The following EGFR variants were observed in gnomAD, a reference collection of about 807,000 sequenced individuals.
EGFR encodes the protein epidermal growth factor receptor.
EGFR carries 58 observed loss-of-function variants against 143.0 expected under a neutral mutation model. The ratio of observed to expected loss-of-function variants is 0.41; its 90% CI spans 0.33 to 0.50. The LOEUF (loss-of-function observed/expected upper bound fraction) is 0.50. Among genes scored for constraint, EGFR ranks in the 20% least tolerant of loss-of-function variants. EGFR has a pLI of 0.39. For missense variants in EGFR, 1,307 were observed against 1,579.0 expected (o/e 0.83, Z 2.92); for synonymous variants, 613 against 594.4 (o/e 1.03, Z -0.45).
At chr7:55,070,704 G>A (rs1789771542) in intron 1 of EGFR, among the ~76,000 whole-genome samples, 1 of 152,146 alleles carries the variant, frequency 6.6e-6, no homozygotes, top group Non-Finnish European at 1.5e-5. Flanking sequence ...TCGCAGCCAG[G>A]GCTGATTGTA....
At position 55,205,646 on chromosome 7, in the gene EGFR, T is replaced by C. The variant is rs1583665941; in HGVS notation, c.*29T>C. 6.2e-7 allele frequency: 1 copy of C among 1,614,020 alleles called. No individual in the cohort carries two copies. The highest frequency in any genetic ancestry group is 8.5e-7 in the Non-Finnish European group (1 of 1,179,954). On this transcript the variant is annotated 3_prime_UTR_variant, in exon 28 of 28. Transcript: ENST00000275493. ...CGGAGGATAGTATGAGCCCTAAAAA[T>C]CCAGACTCTTTCGATACCCAGGACC...
At chr7:55,065,338 T>A (rs1789432573) in intron 1 of EGFR, among the ~76,000 whole-genome samples, 5 of 152,220 alleles carry the variant, frequency 3.3e-5, no homozygotes. Context: ...GGAAACTCCC[T>A]GCACAAGTGA....
At chr7:55,141,973 G>A (rs1037056427) in intron 1 of EGFR, among the ~76,000 whole-genome samples, 1 of 151,906 alleles carries the variant, frequency 6.6e-6, no homozygotes, top group Non-Finnish European at 1.5e-5. Context: ...TTTTATTTTG[G>A]CATTTTAATG....
chr7:55,028,650 T>A (rs116037234), intron 1 of EGFR, among the ~76,000 whole-genome samples: 27 of 152,208 alleles, frequency 1.8e-4, no homozygotes, highest in Non-Finnish European at 4.4e-5. Context: ...ATGCTTCAAA[T>A]TGTGCCGAAC....
At chr7:55,152,694 A>G (rs1261098486) in intron 6 of EGFR, 30 bp downstream of exon 6, 1 of 1,598,230 alleles carries the variant, frequency 6.3e-7, no homozygotes, top group Admixed American at 1.7e-5. Context: ...GCCTCCCTGG[A>G]GCAGGCTGGG....
At chr7:55,053,577 C>T (rs1309838213) in intron 1 of EGFR, among the ~76,000 whole-genome samples, 1 of 152,256 alleles carries the variant, frequency 6.6e-6, no homozygotes, top group Non-Finnish European at 1.5e-5. Context: ...GGAGCAATGC[C>T]TGTTTCATGA....
intron 1 of EGFR, among the ~76,000 whole-genome samples, chr7:55,029,382 TCTTTCTTACTCCC>T (rs1013994393): frequency 6.6e-6 from 1 of 152,220 alleles, no homozygotes; most frequent in Non-Finnish European, 1.5e-5. Context: ...TGCCCTGTTT[TCTTTCTTACTCCC>T]CTTTCTTCTT....
rs1159687834 is a variant in EGFR, at chr7:55,210,889, ACG to A, written c.*5274_*5275del. Reference sequence around the variant, plus strand: ...CCTTTATTTCCCACAGTGAAAGAAAACGCTGGCCTATCAGTTACATTACAAAA... The same window carrying A: ...CCTTTATTTCCCACAGTGAAAGAAAACTGGCCTATCAGTTACATTACAAAA... On this transcript the variant is annotated 3_prime_UTR_variant, in exon 28 of 28. Transcript: ENST00000275493. The A allele has an allele frequency of 6.6e-6, 1 of 152,224 alleles. No individual in the cohort carries two copies. Among genetic ancestry groups the A allele is most frequent in the Non-Finnish European group, 1.5e-5 (1 of 68,046 alleles). 9.4% of individuals were successfully genotyped at this position (152,224 alleles called of 1,614,324 possible).
chr7:55,120,502 CCA>C (rs1295639456), intron 1 of EGFR, among the ~76,000 whole-genome samples: 2 of 152,208 alleles, frequency 1.3e-5, no homozygotes, highest in African/African-American at 4.8e-5. Context: ...TGGAAATGAA[CCA>C]TCTGCAAAGC....
chr7:55,093,355 T>C (rs1425518408), intron 1 of EGFR, among the ~76,000 whole-genome samples: 1 of 152,228 alleles, frequency 6.6e-6, no homozygotes, highest in Non-Finnish European at 1.5e-5. Context: ...GTGTTGGGAA[T>C]TGTGCTGTTC....
intron 1 of EGFR, among the ~76,000 whole-genome samples, chr7:55,047,380 C>T (rs557494019): frequency 1.1e-3 from 162 of 152,330 alleles, no homozygotes; most frequent in Admixed American, 2.4e-3. Context: ...AAGAGAGTAG[C>T]CTAATGCATT....
At chr7:55,030,803 G>A (rs1404806556) in intron 1 of EGFR, among the ~76,000 whole-genome samples, 1 of 152,200 alleles carries the variant, frequency 6.6e-6, no homozygotes, top group African/African-American at 2.4e-5. Flanking sequence ...TTTGTAATAA[G>A]CTATTCTGGC....
At position 55,080,372 on chromosome 7, in the gene EGFR, A is replaced by T. The variant is rs539315211; in HGVS notation, c.88+61007A>T. Among the ~76,000 whole-genome samples, 15 of 152,110 alleles carry T rather than the reference A, an allele frequency of 9.9e-5. No homozygotes were observed. The East Asian group carries it at 2.9e-3, about 29-fold the overall frequency. On this transcript the variant is annotated intron_variant, in intron 1 of 27. Transcript: ENST00000275493. ...CAATGGAATACTATTCAGTCTTAAA[A>T]AAAAAAAAAGAAGGAAATCCTGTCA...
chr7:55,188,466 C>G (rs1484130108), intron 20 of EGFR, among the ~76,000 whole-genome samples: 1 of 152,164 alleles, frequency 6.6e-6, no homozygotes, highest in Non-Finnish European at 1.5e-5. Context: ...AAGTTCCAGG[C>G]TGGCTTTTCA....
chr7:55,155,779 C>G (rs374242162), intron 7 of EGFR, 51 bp from the exon 8 acceptor site: 52 of 1,510,446 alleles, frequency 3.4e-5, no homozygotes, highest in East Asian at 2.3e-4. Flanking sequence ...GTGTGAGGCC[C>G]GAGCACCTGG....
At chr7:55,105,469 TA>T (rs1238779023) in intron 1 of EGFR, among the ~76,000 whole-genome samples, 1 of 152,262 alleles carries the variant, frequency 6.6e-6, no homozygotes, top group Non-Finnish European at 1.5e-5. Flanking sequence ...TACTTTCTGA[TA>T]AAACAGAGTC....
At chr7:55,128,202 C>A (rs939018930) in intron 1 of EGFR, among the ~76,000 whole-genome samples, 1 of 152,190 alleles carries the variant, frequency 6.6e-6, no homozygotes, top group African/African-American at 2.4e-5. Flanking sequence ...CCGAACGATG[C>A]CTGCATTTGA....
intron 4 of EGFR, among the ~76,000 whole-genome samples, chr7:55,149,483 C>A (rs944412048): frequency 6.6e-6 from 1 of 152,158 alleles, no homozygotes; most frequent in Admixed American, 6.5e-5. Context: ...TCACACCTTC[C>A]TTTGCAAAGT....
chr7:55,095,877 C>T (rs1791436443), intron 1 of EGFR, among the ~76,000 whole-genome samples: 1 of 150,756 alleles, frequency 6.6e-6, no homozygotes, highest in African/African-American at 2.4e-5. Context: ...CTACAACACA[C>T]AGAGATACAC....
Sources: allele counts gnomAD v4.1 joint callset (sites outside exome capture counted in the v4.1 genomes callset), GRCh38; gene constraint gnomAD v4.1.1; transcripts MANE v1.5; gene names NCBI Gene and HGNC (gene_info 2026-07-23, HGNC 2026-07-21).